The following FNDC8 variants were observed in gnomAD, a reference collection of about 807,000 sequenced individuals.
The protein encoded by FNDC8 is fibronectin type III domain containing 8, also known as fibronectin type III domain-containing protein 8.
A neutral mutation model predicts 24.8 loss-of-function variants in FNDC8; 23 were observed. The ratio of observed to expected loss-of-function variants is 0.93; its 90% CI spans 0.67 to 1.31. The LOEUF (loss-of-function observed/expected upper bound fraction) is 1.31. FNDC8 is among the 40% of genes most tolerant of loss of function. The probability of loss-of-function intolerance (pLI) is 0.00; values close to 1 mark genes in which losing one functional copy is unlikely to be tolerated. For synonymous variants in FNDC8, 158 were observed against 165.3 expected (o/e 0.96, Z 0.34); for missense variants, 371 against 398.2 (o/e 0.93, Z 0.58).
chr17:35,122,204 ATAT>A (rs1421842966), intron 1 of FNDC8, among the ~76,000 whole-genome samples: 439 of 9,510 alleles, frequency 0.046, 4 homozygotes, highest in East Asian at 0.053. Flanking sequence ...ATATATATAT[ATAT>A]AAATTTTTTT....
At chr17:35,124,634 A>G (rs972145931) in intron 1 of FNDC8, among the ~76,000 whole-genome samples, 1 of 152,266 alleles carries the variant, frequency 6.6e-6, no homozygotes, top group African/African-American at 2.4e-5. Flanking sequence ...TCTTAGTTAT[A>G]GGCGTATATA....
chr17:35,128,416 G>A (rs1052646276), intron 2 of FNDC8, among the ~76,000 whole-genome samples: 1 of 152,252 alleles, frequency 6.6e-6, no homozygotes, highest in African/African-American at 2.4e-5. Context: ...CTAGATGGAG[G>A]AGAAACCAGA....
chr17:35,127,273 G>A lies in FNDC8; in HGVS notation c.441G>A (p.Gln147=). ...CCTGCCCATGCCCATCGAAGTCCCA[G>A]ATGGCCACAAGGGGCCTGCTGGACC... ...LGPCPCPSKS[Q]MATRGLLDLD... Residue 147 remains glutamine, a synonymous_variant, in exon 2 of 4, where the codon CAG becomes CAA. Coordinates refer to ENST00000158009, the MANE Select transcript of FNDC8 (RefSeq NM_017559.4). The A allele has an allele frequency of 1.9e-6, 3 of 1,614,104 alleles. No individual in the cohort carries two copies. The highest frequency in any genetic ancestry group is 1.3e-5 in the African/African-American group (1 of 75,058).
At position 35,127,370 on chromosome 17, in the gene FNDC8, G is replaced by A; in HGVS notation, c.538G>A (p.Asp180Asn). 6.3e-7 allele frequency: 1 copy of A among 1,587,798 alleles called. No individual in the cohort carries two copies. Among genetic ancestry groups the A allele is most frequent in the African/African-American group, 1.4e-5 (1 of 73,918 alleles). Residue 180 changes from aspartate to asparagine, a missense_variant, in exon 2 of 4, where the codon GAC becomes AAC. Transcript: ENST00000158009. ...ATCTTCTGTGGTTGTGGACCTGCCG[G>A]ACACCCCCTTCATCTTTGAGCACAC... ...SESSVVVDLP[D>N]TPFIFEHTVN... is the part of the protein sequence containing the mutation.
intron 2 of FNDC8, 122 bp from the exon 3 acceptor site, chr17:35,129,300 C>G: frequency 7.6e-7 from 1 of 1,314,382 alleles, no homozygotes; most frequent in Non-Finnish European, 1.1e-6. Flanking sequence ...TCCATCTGAC[C>G]TGCCTGGGCC....
Position 35,130,702 on chromosome 17 carries a change from C to A in FNDC8, c.*268C>A. On this transcript the variant is annotated 3_prime_UTR_variant, in exon 4 of 4. Transcript: ENST00000158009. ...CTCCAAATCTGGGCTGGGTCTAGGT[C>A]CCTCATTAAAGAACTGCAGGTCATC... 2.2e-6 allele frequency: 1 copy of A among 445,202 alleles called. No individual in the cohort carries two copies. The highest frequency in any genetic ancestry group is 4.0e-6 in the Non-Finnish European group (1 of 247,168). 27.6% of individuals were successfully genotyped at this position (445,202 alleles called of 1,614,324 possible).
At chr17:35,122,171 TA>T (rs2091829820) in intron 1 of FNDC8, among the ~76,000 whole-genome samples, 1 of 26,748 alleles carries the variant, frequency 3.7e-5, no homozygotes, top group African/African-American at 1.9e-4. Context: ...TATATATATA[TA>T]TATATATATA....
rs189038901 is a variant in FNDC8 at position 35,124,108 on chromosome 17, G to A, written c.209+2206G>A. Among the ~76,000 whole-genome samples the A allele has an allele frequency of 2.6e-5, 4 of 152,308 alleles. No homozygotes were observed. The East Asian group carries it at 7.7e-4, about 29-fold the overall frequency. ...GAGGCTGATGAGGCTGGAACCTGGG[G>A]AGGAAAAACTTGGCCCGTTCATCAA... is the stretch of plus-strand genomic sequence containing the variant. On this transcript the variant is annotated intron_variant, in intron 1 of 3. Transcript: ENST00000158009.
rs373499149 is a variant in FNDC8 at position 35,127,326 on chromosome 17, C to T, written c.494C>T (p.Thr165Ile). ...GACAACCCTGAGCTGGAGACAGAAA[C>T]CTCCTCAACGCACTCAGAATCTTCT... Reference protein sequence around the residue: ...DLDNPELETETSSTHSESSVV... With the variant: ...DLDNPELETEISSTHSESSVV... The change falls in exon 2 of 4, where the codon ACC becomes ATC. Residue 165 changes from threonine to isoleucine, a missense_variant. Transcript: ENST00000158009. The T allele has an allele frequency of 9.9e-6, 16 of 1,612,752 alleles. No individual in the cohort carries two copies. The highest frequency in any genetic ancestry group is 4.4e-5 in the South Asian group (4 of 90,984).
intron 1 of FNDC8, among the ~76,000 whole-genome samples, chr17:35,122,625 C>T (rs181803293): frequency 1.3e-5 from 2 of 152,230 alleles, no homozygotes; most frequent in East Asian, 3.9e-4. Flanking sequence ...GGCTCCTCTT[C>T]CTCAACCCTC....
intron 3 of FNDC8, chr17:35,130,007 G>A: frequency 2.2e-6 from 3 of 1,385,008 alleles, no homozygotes; most frequent in Non-Finnish European, 9.3e-7. Flanking sequence ...AGGCTAAAGG[G>A]GGACGAAGAA....
intron 1 of FNDC8, among the ~76,000 whole-genome samples, chr17:35,123,754 AC>A (rs1209579586): frequency 6.6e-6 from 1 of 150,634 alleles, no homozygotes; most frequent in African/African-American, 2.5e-5. Flanking sequence ...AAAAAACAAA[AC>A]AAAACAAAAA....
chr17:35,126,087 A>AT (rs1328408561), intron 1 of FNDC8, among the ~76,000 whole-genome samples: 1 of 151,930 alleles, frequency 6.6e-6, no homozygotes, highest in African/African-American at 2.4e-5. Flanking sequence ...TGCCCAGCTA[A>AT]TTTTTTGTAT....
At chr17:35,124,171 C>A (rs778141436) in intron 1 of FNDC8, among the ~76,000 whole-genome samples, 1 of 152,180 alleles carries the variant, frequency 6.6e-6, no homozygotes, top group African/African-American at 2.4e-5. Flanking sequence ...AAGGGATCCA[C>A]AAACTGTGGA....
At chr17:35,126,070 G>A (rs1166823030) in intron 1 of FNDC8, among the ~76,000 whole-genome samples, 3 of 151,996 alleles carry the variant, frequency 2.0e-5, no homozygotes, top group Non-Finnish European at 1.5e-5. Flanking sequence ...ACAGGCAACC[G>A]CCACCATGCC....
At chr17:35,124,912 G>A (rs1443743894) in intron 1 of FNDC8, among the ~76,000 whole-genome samples, 1 of 151,914 alleles carries the variant, frequency 6.6e-6, no homozygotes, top group Admixed American at 6.6e-5. Context: ...GGCAGATGTG[G>A]CAGTGTGGGC....
intron 2 of FNDC8, among the ~76,000 whole-genome samples, chr17:35,127,776 A>T (rs1400206762): frequency 6.6e-6 from 1 of 152,192 alleles, no homozygotes; most frequent in Non-Finnish European, 1.5e-5. Context: ...AGCTCACAGG[A>T]AAGTGAGGGA....
Position 35,121,660 on chromosome 17 carries a change from TGCATGGTGA to T in FNDC8, c.-33_-25del. 1 of 1,607,800 alleles carries T rather than the reference TGCATGGTGA, an allele frequency of 6.2e-7. No individual in the cohort carries two copies. On this transcript the variant is annotated 5_prime_UTR_variant, in exon 1 of 4. The change abolishes an upstream ATG in the 5' untranslated region. Transcript: ENST00000158009. ...CTGCTTCTGGTCAGCTGGGTTGTCC[TGCATGGTGA>T]CGGGTGTCATCCCGAACAAATCAGA...
At chr17:35,129,299 C>A (rs757009568) in intron 2 of FNDC8, 123 bp from the exon 3 acceptor site, 51 of 1,303,752 alleles carry the variant, frequency 3.9e-5, no homozygotes, top group Non-Finnish European at 5.2e-5. Context: ...TTCCATCTGA[C>A]CTGCCTGGGC....
Sources: gnomAD v4.1 joint callset for allele counts (sites outside exome capture counted in the v4.1 genomes callset) on GRCh38, gnomAD v4.1.1 for gene constraint, MANE v1.5 for transcripts, NCBI Gene and HGNC (gene_info 2026-07-23, HGNC 2026-07-21) for gene names.